Variants in DENND5B observed in about 807,000 individuals in gnomAD.
DENND5B encodes the protein DENN domain containing 5B.
A neutral mutation model predicts 140.6 loss-of-function variants in DENND5B; 34 were observed. The observed-to-expected ratio is 0.24, with a 90% CI of 0.18 to 0.32. DENND5B has a LOEUF of 0.32. DENND5B is among the 10% of genes least tolerant of loss of function. DENND5B has a pLI of 1.00. For missense variants in DENND5B, 1,142 were observed against 1,560.2 expected (o/e 0.73, Z 4.52); for synonymous variants, 551 against 562.1 (o/e 0.98, Z 0.28).
chr12:31,550,575 T>C (rs36164089), intron 1 of DENND5B, among the ~76,000 whole-genome samples: 21,731 of 151,210 alleles, frequency 0.14, 1,681 homozygotes, highest in Non-Finnish European at 0.18. Context: ...TTTGGGTATA[T>C]AGCCAGTAAT....
intron 4 of DENND5B, among the ~76,000 whole-genome samples, chr12:31,459,569 C>G (rs1944925236): frequency 6.6e-6 from 1 of 151,784 alleles, no homozygotes; most frequent in Non-Finnish European, 1.5e-5. Context: ...ATTACAAGCG[C>G]TTGTAATCCC....
At chr12:31,496,927 GTGT>G (rs1946782605) in intron 1 of DENND5B, among the ~76,000 whole-genome samples, 1 of 152,030 alleles carries the variant, frequency 6.6e-6, no homozygotes, top group South Asian at 2.1e-4. Context: ...CAATTTTATT[GTGT>G]TGTGTGTTTT....
At chr12:31,500,825 T>C (rs1946975893) in intron 1 of DENND5B, among the ~76,000 whole-genome samples, 1 of 152,036 alleles carries the variant, frequency 6.6e-6, no homozygotes, top group African/African-American at 2.4e-5. Context: ...GAATGCAAAA[T>C]TGTACGGCCA....
At chr12:31,518,215 T>C (rs1947743308) in intron 1 of DENND5B, among the ~76,000 whole-genome samples, 1 of 152,198 alleles carries the variant, frequency 6.6e-6, no homozygotes, top group African/African-American at 2.4e-5. Context: ...TAAAACTTGA[T>C]TCAAATATTT....
At chr12:31,513,428 C>T (rs1023175202) in intron 1 of DENND5B, among the ~76,000 whole-genome samples, 1 of 151,998 alleles carries the variant, frequency 6.6e-6, no homozygotes, top group African/African-American at 2.4e-5. Flanking sequence ...TACGTATCTA[C>T]CTCTATCATT....
chr12:31,510,086 T>A (rs1275375607), intron 1 of DENND5B, among the ~76,000 whole-genome samples: 1 of 152,370 alleles, frequency 6.6e-6, no homozygotes, highest in Non-Finnish European at 1.5e-5. Flanking sequence ...TTGCTAGACT[T>A]CGTGTGTCTG....
At chr12:31,470,172 T>A (rs1205981992) in intron 3 of DENND5B, among the ~76,000 whole-genome samples, 1 of 130,582 alleles carries the variant, frequency 7.7e-6, no homozygotes, top group Admixed American at 9.8e-5. Flanking sequence ...TGGAGTGCAA[T>A]GGTGCGATCT....
At chr12:31,433,450 A>T (rs531809305) in intron 7 of DENND5B, among the ~76,000 whole-genome samples, 187 of 152,314 alleles carry the variant, frequency 1.2e-3, no homozygotes, top group African/African-American at 4.4e-3. Context: ...ATCTTTCCAG[A>T]TATGTGCTGT....
chr12:31,502,338 AC>A (rs199891617), intron 1 of DENND5B, among the ~76,000 whole-genome samples: 3,129 of 152,144 alleles, frequency 0.021, 54 homozygotes, highest in South Asian at 0.052. Flanking sequence ...AACAAAAAAA[AC>A]ATTATATTCA....
At chr12:31,439,762 T>G (rs1943942063) in intron 7 of DENND5B, among the ~76,000 whole-genome samples, 1 of 151,456 alleles carries the variant, frequency 6.6e-6, no homozygotes, top group Admixed American at 6.6e-5. Flanking sequence ...AAACCCTGTC[T>G]CTAATAAAAA....
At chr12:31,441,972 C>T (rs1187538326) in intron 7 of DENND5B, among the ~76,000 whole-genome samples, 1 of 152,204 alleles carries the variant, frequency 6.6e-6, no homozygotes, top group Non-Finnish European at 1.5e-5. Flanking sequence ...CGTGAGCCAC[C>T]ATGCCTGGCC....
At chr12:31,511,933 T>TTC (rs1317514652) in intron 1 of DENND5B, among the ~76,000 whole-genome samples, 38 of 143,440 alleles carry the variant, frequency 2.6e-4, no homozygotes, top group African/African-American at 8.8e-4. Flanking sequence ...TTTTTTTTTT[T>TTC]TTTTTTTTGT....
Position 31,577,432 on chromosome 12 carries a change from C to T in DENND5B, c.127+13274G>A, listed in dbSNP as rs112660386. Among the ~76,000 whole-genome samples, 807 of 152,106 alleles carry T rather than the reference C, an allele frequency of 5.3e-3. 8 individuals carry two copies. Among genetic ancestry groups the T allele is most frequent in the African/African-American group, 0.018 (753 of 41,488 alleles). ...TTTAAACTTAAAAATATCTTTAGGCCGGGCACGGTGGCTCACGCCTGTAAT... is the reference window on the plus strand; with the variant it reads ...TTTAAACTTAAAAATATCTTTAGGCTGGGCACGGTGGCTCACGCCTGTAAT... On this transcript the variant is annotated intron_variant, in intron 1 of 20. Transcript: ENST00000389082.
intron 2 of DENND5B, among the ~76,000 whole-genome samples, chr12:31,491,143 G>A (rs545148462): frequency 6.6e-6 from 1 of 152,226 alleles, no homozygotes; most frequent in Non-Finnish European, 1.5e-5. Flanking sequence ...TGGGGTGGGG[G>A]ACCTTCAGCT....
At chr12:31,538,099 C>T (rs2139142179) in intron 1 of DENND5B, among the ~76,000 whole-genome samples, 1 of 152,174 alleles carries the variant, frequency 6.6e-6, no homozygotes, top group African/African-American at 2.4e-5. Flanking sequence ...ACAGATCTTC[C>T]AGAGAGAAAA....
rs141889140 is a variant in DENND5B at position 31,484,750 on chromosome 12, G to A, written c.238-4495C>T. On this transcript the variant is annotated intron_variant, in intron 2 of 20. Transcript: ENST00000389082. ...TGGGAGGCGGAGGTTGCAGTGAGCC[G>A]AGATTGTGCCACTGAACTCCAGCCT... Among the ~76,000 whole-genome samples, 165 of 152,216 alleles carry A rather than the reference G, an allele frequency of 1.1e-3. 1 individual carries two copies. In the East Asian group the frequency reaches 0.029, roughly 27 times the overall value.
chr12:31,538,917 A>C (rs1948592789), intron 1 of DENND5B, among the ~76,000 whole-genome samples: 1 of 151,990 alleles, frequency 6.6e-6, no homozygotes, highest in Admixed American at 6.6e-5. Flanking sequence ...AAATAAGTGA[A>C]ACTGAAACAA....
intron 18 of DENND5B, 71 bp from the exon 19 acceptor site, chr12:31,392,464 C>T (rs1941197855): frequency 1.3e-6 from 2 of 1,590,932 alleles, no homozygotes; most frequent in African/African-American, 1.4e-5. Flanking sequence ...ACTAGAGAAG[C>T]AAGTGCTGAA....
chr12:31,567,160 C>T (rs1323101788), intron 1 of DENND5B, among the ~76,000 whole-genome samples: 1 of 152,000 alleles, frequency 6.6e-6, no homozygotes, highest in Non-Finnish European at 1.5e-5. Flanking sequence ...AATAAAGTTG[C>T]CAAATTCATT....
Sources: gnomAD v4.1 joint callset for allele counts (sites outside exome capture counted in the v4.1 genomes callset) on GRCh38, gnomAD v4.1.1 for gene constraint, MANE v1.5 for transcripts, NCBI Gene and HGNC (gene_info 2026-07-23, HGNC 2026-07-21) for gene names.